The following EVA1C variants were observed in gnomAD, a reference collection of about 807,000 sequenced individuals.
EVA1C encodes the protein protein eva-1 homolog C.
EVA1C carries 25 observed loss-of-function variants against 45.4 expected under a neutral mutation model. That is an observed-to-expected ratio of 0.55 (90% CI 0.40 to 0.77). The LOEUF (loss-of-function observed/expected upper bound fraction) is 0.77. EVA1C is among the 30% of genes least tolerant of loss of function. EVA1C has a pLI of 0.00. For synonymous variants in EVA1C, 190 were observed against 221.2 expected, an observed-to-expected ratio of 0.86 and a Z score of 1.25; for missense variants, 479 against 554.8, an observed-to-expected ratio of 0.86 and a Z score of 1.37.
In EVA1C at chr21:32,452,913, T is replaced by G. The variant is rs1245246096; in HGVS notation, c.161-399T>G. The G allele has an allele frequency of 6.1e-6, 1 of 162,936 alleles. No homozygotes were observed. The highest frequency in any genetic ancestry group is 1.3e-5 in the Non-Finnish European group (1 of 75,344). The allele number at this position is 162,936 out of a possible 1,614,324, so 10.1% of individuals were successfully genotyped here. The stretch of plus-strand genomic sequence containing the variant: ...TCCAGCCACTTGTGTGTGTGCCCAC[T>G]AGGGTCTTGGGTTTTTTATGGGCAC... On this transcript the variant is annotated intron_variant, in intron 1 of 7. Transcript: ENST00000300255. This position sits in a 1 kb window ranked among gnomAD's most constrained non-coding sequence, Gnocchi z 4.0.
chr21:32,507,779 T>C (rs2037800911), intron 7 of EVA1C, among the ~76,000 whole-genome samples: 1 of 150,512 alleles, frequency 6.6e-6, no homozygotes. Context: ...CATGTATGTG[T>C]ATCTCTGTGC....
At chr21:32,487,654 A>G (rs1350280004) in intron 4 of EVA1C, among the ~76,000 whole-genome samples, 1 of 151,352 alleles carries the variant, frequency 6.6e-6, no homozygotes, top group Non-Finnish European at 1.5e-5. Context: ...CAGGAGGCAG[A>G]GGTTGCAATG....
At chr21:32,434,557 C>G (rs1009830826) in intron 1 of EVA1C, among the ~76,000 whole-genome samples, 1 of 151,740 alleles carries the variant, frequency 6.6e-6, no homozygotes, top group African/African-American at 2.4e-5. Flanking sequence ...CGCCACTGCA[C>G]TCCAGCCTGG....
At chr21:32,469,792 G>A (rs73353054) in intron 4 of EVA1C, among the ~76,000 whole-genome samples, 1,885 of 152,246 alleles carry the variant, frequency 0.012, 31 homozygotes, top group Admixed American at 0.038. Context: ...GGGAAACCTC[G>A]GTCTTCGCTT....
chr21:32,476,635 C>A (rs1199682205), intron 4 of EVA1C, among the ~76,000 whole-genome samples: 2 of 151,872 alleles, frequency 1.3e-5, no homozygotes, highest in African/African-American at 4.8e-5. Context: ...GAGTGAAACT[C>A]CGTCTCAAAA....
intron 4 of EVA1C, among the ~76,000 whole-genome samples, chr21:32,473,542 C>T (rs578106793): frequency 6.6e-6 from 1 of 152,332 alleles, no homozygotes; most frequent in South Asian, 2.1e-4. Context: ...GAGCATTTGC[C>T]GTCTGCAGAG....
chr21:32,514,773 C>A, intron 7 of EVA1C, 41 bp from the exon 8 acceptor site: 1 of 1,500,526 alleles, frequency 6.7e-7, no homozygotes, highest in South Asian at 1.4e-5. Flanking sequence ...TGGAGTCTGC[C>A]AGCTCCTCCC....
At chr21:32,501,992 CTTTCTTTCTTTCTT>C (rs1568949545) in intron 6 of EVA1C, among the ~76,000 whole-genome samples, 3 of 7,372 alleles carry the variant, frequency 4.1e-4, no homozygotes, top group African/African-American at 1.2e-3. Context: ...TCTTTTCTTT[CTTTCTTTCTTTCTT>C]TCTTTCTTTC....
intron 4 of EVA1C, among the ~76,000 whole-genome samples, chr21:32,477,531 AG>A (rs1286941659): frequency 4.6e-5 from 7 of 151,940 alleles, no homozygotes; most frequent in African/African-American, 1.7e-4. Flanking sequence ...CAGTCCCCTG[AG>A]GGCTGGACTT....
At chr21:32,510,537 A>G (rs2037913438) in intron 7 of EVA1C, among the ~76,000 whole-genome samples, 2 of 152,246 alleles carry the variant, frequency 1.3e-5, no homozygotes, top group African/African-American at 2.4e-5. Context: ...CAGAGCTGTT[A>G]TATTTGCAAC....
chr21:32,451,944 C>T (rs1300971271), intron 1 of EVA1C, among the ~76,000 whole-genome samples: 1 of 152,180 alleles, frequency 6.6e-6, no homozygotes. Flanking sequence ...ATCATTCAAC[C>T]CACAGCAGAG....
intron 1 of EVA1C, among the ~76,000 whole-genome samples, chr21:32,417,289 A>T (rs929466715): frequency 1.3e-5 from 2 of 152,254 alleles, no homozygotes; most frequent in African/African-American, 4.8e-5. Flanking sequence ...TCTGGAGGCT[A>T]GAAGTTCAAG....
At chr21:32,416,342 T>C (rs913904870) in intron 1 of EVA1C, among the ~76,000 whole-genome samples, 1 of 146,714 alleles carries the variant, frequency 6.8e-6, no homozygotes, top group Non-Finnish European at 1.5e-5. Context: ...TTTTTTTTTC[T>C]TTTTGAGACG....
At chr21:32,460,660 C>T (rs1438996473) in intron 3 of EVA1C, among the ~76,000 whole-genome samples, 1 of 152,168 alleles carries the variant, frequency 6.6e-6, no homozygotes, top group Non-Finnish European at 1.5e-5. Context: ...GCCTGATATT[C>T]ACTGTGAGTT....
At chr21:32,467,923 C>T in intron 4 of EVA1C, 75 bp downstream of exon 4, 9 of 722,806 alleles carry the variant, frequency 1.2e-5, no homozygotes, top group Non-Finnish European at 1.7e-5. Flanking sequence ...TATATATATC[C>T]TATATATATC....
chr21:32,503,706 C>A (rs557317125), intron 6 of EVA1C, among the ~76,000 whole-genome samples: 1 of 152,278 alleles, frequency 6.6e-6, no homozygotes, highest in East Asian at 1.9e-4. Flanking sequence ...AAAACAATTT[C>A]TAATCCTTTT....
chr21:32,463,014 C>A (rs777658762), intron 3 of EVA1C, among the ~76,000 whole-genome samples: 2 of 152,188 alleles, frequency 1.3e-5, no homozygotes, highest in Non-Finnish European at 2.9e-5. Context: ...ATTCTTCTAG[C>A]GCCACTGGTT....
At chr21:32,412,697 C>T (rs920382303), upstream of EVA1C, 10 of 674,284 alleles carry the variant, frequency 1.5e-5, no homozygotes, top group African/African-American at 1.7e-4. Context: ...TGGGCTGGCC[C>T]GCGCAGGGGA....
Position 32,477,843 on chromosome 21 carries a change from ACCTCCCCCGTACGCCCTCCCCTCC to A in EVA1C, c.634+10022_634+10045del, listed in dbSNP as rs1568927056. On this transcript the variant is annotated intron_variant, in intron 4 of 7. Coordinates refer to ENST00000300255, the MANE Select transcript of EVA1C (RefSeq NM_058187.5). ...GCCCTCCCCTCCCCCGTACGCCCTC[ACCTCCCCCGTACGCCCTCCCCTCC>A]CCTCCCCCGTACGCCCTCCCCTCCC... 1.3e-3 allele frequency among the ~76,000 whole-genome samples: 7 copies of A among 5,322 alleles called. 2 individuals are homozygous for A. Among genetic ancestry groups the A allele is most frequent in the African/African-American group, 4.3e-3 (4 of 940 alleles). 3.5% of individuals were successfully genotyped at this position (5,322 alleles called of 152,430 possible). A position where few individuals can be genotyped will look rare whatever the true frequency, so the allele number is the denominator to read the frequency against.
Sources: allele counts gnomAD v4.1 joint callset (sites outside exome capture counted in the v4.1 genomes callset), GRCh38; gene constraint gnomAD v4.1.1; non-coding constraint Gnocchi (gnomAD v3.1); transcripts MANE v1.5; gene names NCBI Gene and HGNC (gene_info 2026-07-23, HGNC 2026-07-21).